Variants in AP3B1 observed in about 807,000 individuals in gnomAD.
The protein encoded by AP3B1 is adaptor related protein complex 3 subunit beta 1.
AP3B1 carries 61 observed loss-of-function variants against 132.5 expected under a neutral mutation model. The ratio of observed to expected loss-of-function variants is 0.46; its 90% CI spans 0.37 to 0.57. AP3B1 has a LOEUF of 0.57. AP3B1 is among the 20% of genes least tolerant of loss of function. The probability of loss-of-function intolerance (pLI) is 0.00; values close to 1 mark genes in which losing one functional copy is unlikely to be tolerated. For synonymous variants in AP3B1, 388 were observed against 438.3 expected (o/e 0.89, Z 1.43); for missense variants, 1,120 against 1,289.4 (o/e 0.87, Z 2.01).
rs562272206 is a variant in AP3B1 at position 78,254,814 on chromosome 5, G to C, written c.204+12706C>G. On this transcript the variant is annotated intron_variant, in intron 2 of 26. Coordinates refer to ENST00000255194, the MANE Select transcript of AP3B1 (RefSeq NM_003664.5). ...AAACATAGAATATTATAAAACTGTA[G>C]CTGTGATGTATAAACTATTCTTATC... Among the ~76,000 whole-genome samples, 342 of 152,202 alleles carry C rather than the reference G, an allele frequency of 2.2e-3. 1 individual carries two copies. The highest frequency in any genetic ancestry group is 8.1e-3 in the African/African-American group (336 of 41,560).
intron 24 of AP3B1, among the ~76,000 whole-genome samples, chr5:78,024,031 G>A (rs1747219535): frequency 6.6e-6 from 1 of 152,178 alleles, no homozygotes; most frequent in Non-Finnish European, 1.5e-5. Flanking sequence ...ACAAGAATGA[G>A]GTGAGCGGGT....
intron 13 of AP3B1, 66 bp downstream of exon 13, chr5:78,162,753 T>C (rs1194555458): frequency 6.4e-7 from 1 of 1,571,076 alleles, no homozygotes; most frequent in East Asian, 2.2e-5. Flanking sequence ...AGGTTACAAC[T>C]TGGAAATAAT....
At chr5:78,120,662 A>C (rs1752134522) in intron 17 of AP3B1, among the ~76,000 whole-genome samples, 1 of 152,080 alleles carries the variant, frequency 6.6e-6, no homozygotes, top group Non-Finnish European at 1.5e-5. Context: ...ATATATATGC[A>C]CCCAATACAG....
intron 26 of AP3B1, 120 bp from the exon 27 acceptor site, chr5:78,003,175 C>T: frequency 8.3e-7 from 1 of 1,205,876 alleles, no homozygotes; most frequent in Non-Finnish European, 1.2e-6. Flanking sequence ...GCTGCAGGCT[C>T]CCTATTGCCA....
chr5:78,288,392 C>T (rs1438453672), intron 1 of AP3B1, among the ~76,000 whole-genome samples: 2 of 152,036 alleles, frequency 1.3e-5, no homozygotes, highest in Admixed American at 1.3e-4. Context: ...TGGAATAATC[C>T]AAGACTGGGA....
chr5:78,085,115 T>C (rs746709982), intron 22 of AP3B1, among the ~76,000 whole-genome samples: 4 of 152,222 alleles, frequency 2.6e-5, no homozygotes, highest in Non-Finnish European at 4.4e-5. Flanking sequence ...AAGGTATACA[T>C]ATTTTGATGG....
intron 6 of AP3B1, among the ~76,000 whole-genome samples, chr5:78,223,626 T>C (rs573439700): frequency 2.6e-5 from 4 of 152,330 alleles, no homozygotes; most frequent in African/African-American, 9.6e-5. Context: ...TCTTTTTGAG[T>C]ACTTATTTCT....
chr5:78,023,552 G>A (rs758349153), intron 24 of AP3B1, among the ~76,000 whole-genome samples: 1 of 152,082 alleles, frequency 6.6e-6, no homozygotes, highest in Non-Finnish European at 1.5e-5. Flanking sequence ...GTGTAGGGAA[G>A]AGCTGAAGCC....
chr5:78,138,738 G>A lies in AP3B1; in HGVS notation c.1650+2405C>T, dbSNP rs569735182. The stretch of plus-strand genomic sequence containing the variant: ...TGTAATCCCAGCACTTTGGGAGGCC[G>A]AGGTGAGCAGATCACTTGAGGTCAG... On this transcript the variant is annotated intron_variant, in intron 15 of 26. Coordinates refer to ENST00000255194, the MANE Select transcript of AP3B1 (RefSeq NM_003664.5). 1.1e-3 allele frequency among the ~76,000 whole-genome samples: 172 copies of A among 152,018 alleles called. 2 individuals carry two copies. The highest frequency in any genetic ancestry group is 4.2e-4 in the South Asian group (2 of 4,812).
At chr5:78,262,683 CT>C (rs71613943) in intron 2 of AP3B1, among the ~76,000 whole-genome samples, 334 of 143,594 alleles carry the variant, frequency 2.3e-3, no homozygotes, top group East Asian at 3.2e-3. Context: ...CAATTTTGTT[CT>C]TTTTTTTTTT....
At chr5:78,009,304 A>G (rs1746518732) in intron 26 of AP3B1, among the ~76,000 whole-genome samples, 6 of 151,686 alleles carry the variant, frequency 4.0e-5, no homozygotes. Context: ...AAAAAAAAAA[A>G]AAAAAATTAG....
At chr5:78,053,276 G>C (rs1748656630) in intron 22 of AP3B1, among the ~76,000 whole-genome samples, 1 of 151,798 alleles carries the variant, frequency 6.6e-6, no homozygotes, top group Non-Finnish European at 1.5e-5. Context: ...TCTACCACCA[G>C]CTTAATTCAA....
intron 26 of AP3B1, among the ~76,000 whole-genome samples, chr5:78,013,351 T>A (rs952042797): frequency 2.0e-5 from 3 of 152,134 alleles, no homozygotes; most frequent in Non-Finnish European, 2.9e-5. Context: ...AGCCTTGACA[T>A]TTTTTCTTCT....
chr5:78,243,784 C>T (rs1426040678), intron 2 of AP3B1, among the ~76,000 whole-genome samples: 1 of 141,674 alleles, frequency 7.1e-6, no homozygotes, highest in East Asian at 2.0e-4. Context: ...GAGAGCCAGA[C>T]TGGAGTAAGT....
At chr5:78,233,692 C>T (rs1222147230) in intron 3 of AP3B1, among the ~76,000 whole-genome samples, 1 of 152,222 alleles carries the variant, frequency 6.6e-6, no homozygotes, top group Non-Finnish European at 1.5e-5. Context: ...TAAGGCCCTA[C>T]ATCTACATTA....
intron 1 of AP3B1, among the ~76,000 whole-genome samples, chr5:78,273,766 G>C (rs142606821): frequency 2.7e-4 from 41 of 152,160 alleles, no homozygotes; most frequent in African/African-American, 9.4e-4. Context: ...TGCTAAGGAA[G>C]ATGCCCGAGG....
At chr5:78,037,524 C>T (rs533339738) in intron 23 of AP3B1, among the ~76,000 whole-genome samples, 20 of 152,130 alleles carry the variant, frequency 1.3e-4, no homozygotes, top group Admixed American at 2.6e-4. Flanking sequence ...AAAACTTTAC[C>T]AGGCTTTATC....
chr5:78,005,854 T>C (rs1446024149), intron 26 of AP3B1, among the ~76,000 whole-genome samples: 1 of 152,160 alleles, frequency 6.6e-6, no homozygotes, highest in African/African-American at 2.4e-5. Flanking sequence ...TGCTTCAACA[T>C]ACATGCAAAA....
intron 24 of AP3B1, among the ~76,000 whole-genome samples, chr5:78,032,423 C>T (rs1188491390): frequency 6.6e-6 from 1 of 152,032 alleles, no homozygotes; most frequent in Non-Finnish European, 1.5e-5. Context: ...ACTACCAAGA[C>T]TAATACAGCA....
Sources: allele counts gnomAD v4.1 joint callset (sites outside exome capture counted in the v4.1 genomes callset), GRCh38; gene constraint gnomAD v4.1.1; transcripts MANE v1.5; gene names NCBI Gene and HGNC (gene_info 2026-07-23, HGNC 2026-07-21).